Variants in EPHA3 observed in about 807,000 individuals in gnomAD.
EPHA3 encodes ephrin type-A receptor 3.
A neutral mutation model predicts 107.1 loss-of-function variants in EPHA3; 42 were observed. The observed-to-expected ratio is 0.39, with a 90% CI of 0.31 to 0.51. EPHA3 has a LOEUF of 0.51. Among genes scored for constraint, EPHA3 ranks in the 20% least tolerant of loss-of-function variants. The probability of loss-of-function intolerance (pLI) is 0.78; values close to 1 mark genes in which losing one functional copy is unlikely to be tolerated. For missense variants in EPHA3, 1,183 were observed against 1,211.2 expected (o/e 0.98, Z 0.35); for synonymous variants, 461 against 424.8 (o/e 1.09, Z -1.05).
intron 3 of EPHA3, among the ~76,000 whole-genome samples, chr3:89,315,842 C>A (rs1706885381): frequency 6.6e-6 from 1 of 151,776 alleles, no homozygotes; most frequent in Non-Finnish European, 1.5e-5. Flanking sequence ...ATTTAGTTGA[C>A]ATTATTCCTT....
chr3:89,430,832 T>A (rs1709551149), intron 12 of EPHA3, among the ~76,000 whole-genome samples: 1 of 152,174 alleles, frequency 6.6e-6, no homozygotes, highest in Admixed American at 6.5e-5. Context: ...TCATTTCACT[T>A]TTTTGTTCTT....
At chr3:89,228,790 G>A (rs1417770535) in intron 3 of EPHA3, among the ~76,000 whole-genome samples, 1 of 151,854 alleles carries the variant, frequency 6.6e-6, no homozygotes, top group African/African-American at 2.4e-5. Context: ...TGATAACCAG[G>A]AACGTAAACA....
chr3:89,169,935 T>A (rs1271267776), intron 2 of EPHA3, among the ~76,000 whole-genome samples: 1 of 152,122 alleles, frequency 6.6e-6, no homozygotes, highest in East Asian at 1.9e-4. Flanking sequence ...GCTCTGAAAG[T>A]CAACAAACTC....
intron 5 of EPHA3, among the ~76,000 whole-genome samples, chr3:89,344,825 G>C (rs1437075461): frequency 6.6e-6 from 1 of 152,102 alleles, no homozygotes; most frequent in Admixed American, 6.6e-5. Context: ...ATGATCAAAT[G>C]ATAAGGCACC....
At chr3:89,411,640 T>C (rs1709155899) in intron 9 of EPHA3, among the ~76,000 whole-genome samples, 1 of 151,926 alleles carries the variant, frequency 6.6e-6, no homozygotes, top group East Asian at 1.9e-4. Flanking sequence ...ACATAAATCG[T>C]AATGCATTAT....
chr3:89,472,435 GTC>G, intron 15 of EPHA3, 27 bp from the exon 16 acceptor site: 1 of 1,603,840 alleles, frequency 6.2e-7, no homozygotes, highest in Non-Finnish European at 8.5e-7. Flanking sequence ...CTCCTGATCT[GTC>G]TCCCTTTGGT....
chr3:89,362,470 A>G (rs1223032453), intron 5 of EPHA3, among the ~76,000 whole-genome samples: 2 of 151,070 alleles, frequency 1.3e-5, no homozygotes, highest in East Asian at 3.9e-4. Flanking sequence ...GTATTTCTTT[A>G]TAGAGCCCTT....
At chr3:89,257,552 A>C (rs1705313533) in intron 3 of EPHA3, among the ~76,000 whole-genome samples, 1 of 152,044 alleles carries the variant, frequency 6.6e-6, no homozygotes, top group African/African-American at 2.4e-5. Context: ...TTTGAAAGCC[A>C]GAAAGTGTTT....
Position 89,216,513 on chromosome 3 carries a change from G to A in EPHA3, c.814+5993G>A, listed in dbSNP as rs573917412. 3.5e-4 allele frequency among the ~76,000 whole-genome samples: 53 copies of A among 152,074 alleles called. 1 individual carries two copies. The highest frequency in any genetic ancestry group is 7.9e-4 in the African/African-American group (33 of 41,518). On this transcript the variant is annotated intron_variant, in intron 3 of 16. Transcript: ENST00000336596. The stretch of plus-strand genomic sequence containing the variant: ...TGAATATTATCTTGTCAGCTAGCTC[G>A]TGAATCTGCCATCATAATTTACTGT...
chr3:89,249,051 G>C (rs1368533586), intron 3 of EPHA3, among the ~76,000 whole-genome samples: 2 of 152,110 alleles, frequency 1.3e-5, no homozygotes. Context: ...TTATATTTGG[G>C]TCCAGAGGGT....
At chr3:89,217,819 T>C (rs1169672407) in intron 3 of EPHA3, among the ~76,000 whole-genome samples, 2 of 152,128 alleles carry the variant, frequency 1.3e-5, no homozygotes, top group African/African-American at 4.8e-5. Context: ...AGAAAGTATA[T>C]GCTATGAGAT....
chr3:89,108,665 A>C (rs968938266), intron 1 of EPHA3, among the ~76,000 whole-genome samples: 1 of 152,210 alleles, frequency 6.6e-6, no homozygotes, highest in South Asian at 2.1e-4. Flanking sequence ...ATTCCTTTTC[A>C]GTGGGTTAAA....
chr3:89,436,290 G>A (rs1249350475), intron 13 of EPHA3, among the ~76,000 whole-genome samples: 1 of 152,082 alleles, frequency 6.6e-6, no homozygotes, highest in Non-Finnish European at 1.5e-5. Context: ...TGTTATTTCA[G>A]AAAAACAAGT....
chr3:89,148,828 C>T (rs142741997), intron 2 of EPHA3, among the ~76,000 whole-genome samples: 92 of 152,052 alleles, frequency 6.1e-4, no homozygotes, highest in South Asian at 1.7e-3. Context: ...CACCATCTTC[C>T]GCCATTCCTA....
At chr3:89,299,397 A>T (rs1706432614) in intron 3 of EPHA3, among the ~76,000 whole-genome samples, 1 of 152,006 alleles carries the variant, frequency 6.6e-6, no homozygotes, top group South Asian at 2.1e-4. Flanking sequence ...AAGATGAATG[A>T]AATTTTAATA....
intron 2 of EPHA3, among the ~76,000 whole-genome samples, chr3:89,133,883 G>A (rs1168614044): frequency 1.3e-5 from 2 of 152,070 alleles, no homozygotes; most frequent in South Asian, 2.1e-4. Flanking sequence ...GCTTTGGGAA[G>A]TGCTTTGGAG....
intron 11 of EPHA3, among the ~76,000 whole-genome samples, chr3:89,425,082 G>A (rs1709429915): frequency 6.6e-6 from 1 of 151,046 alleles, no homozygotes; most frequent in Non-Finnish European, 1.5e-5. Context: ...CAGACAAATG[G>A]GCTTGGTCTT....
intron 3 of EPHA3, among the ~76,000 whole-genome samples, chr3:89,305,980 C>T (rs1418220701): frequency 6.6e-6 from 1 of 152,106 alleles, no homozygotes. Flanking sequence ...GTGCAATGAT[C>T]ATAAATGGAG....
chr3:89,341,180 C>T (rs1453891253), intron 4 of EPHA3, 109 bp downstream of exon 4: 21 of 1,196,098 alleles, frequency 1.8e-5, no homozygotes, highest in Middle Eastern at 2.0e-4. Context: ...TTCTGTTGCC[C>T]GTGTGCAAAT....
Sources: gnomAD v4.1 joint callset for allele counts (sites outside exome capture counted in the v4.1 genomes callset) on GRCh38, gnomAD v4.1.1 for gene constraint, MANE v1.5 for transcripts, NCBI Gene and HGNC (gene_info 2026-07-23, HGNC 2026-07-21) for gene names.